The following PAPSS1 variants were observed in gnomAD, a reference collection of about 807,000 sequenced individuals.
PAPSS1 encodes bifunctional 3'-phosphoadenosine 5'-phosphosulfate synthase 1.
A neutral mutation model predicts 72.0 loss-of-function variants in PAPSS1; 50 were observed. The observed-to-expected ratio is 0.69, with a 90% CI of 0.55 to 0.88. PAPSS1 has a LOEUF of 0.88. Ranked by LOEUF, PAPSS1 falls within the 40% of genes least tolerant of loss-of-function variation. The pLI, the probability that PAPSS1 is intolerant of heterozygous loss-of-function variation, is 0.00. For missense variants in PAPSS1, 657 were observed against 782.2 expected (o/e 0.84, Z 1.91); for synonymous variants, 261 against 263.6 (o/e 0.99, Z 0.09).
intron 9 of PAPSS1, among the ~76,000 whole-genome samples, chr4:107,648,800 C>G (rs1726760136): frequency 6.6e-6 from 1 of 152,134 alleles, no homozygotes; most frequent in Admixed American, 6.5e-5. Context: ...GTGAAGGGAC[C>G]TGGAATAACA....
At chr4:107,697,056 CTTA>C (rs10601433) in intron 2 of PAPSS1, among the ~76,000 whole-genome samples, 124,168 of 151,784 alleles carry the variant, frequency 0.82, 52,914 homozygotes, top group South Asian at 0.95. Flanking sequence ...TCTTTGGTCA[CTTA>C]ATTTGGGAGA....
At chr4:107,627,314 T>C (rs1157357943) in intron 11 of PAPSS1, among the ~76,000 whole-genome samples, 1 of 152,206 alleles carries the variant, frequency 6.6e-6, no homozygotes. Flanking sequence ...TATTTCCCTC[T>C]CCTTGCTCTC....
Position 107,670,215 on chromosome 4 carries a change from C to T in PAPSS1, c.670-10143G>A, listed in dbSNP as rs531585270. On this transcript the variant is annotated intron_variant, in intron 5 of 11. Coordinates refer to ENST00000265174, the MANE Select transcript of PAPSS1 (RefSeq NM_005443.5). ...GACTCAGCAAATGTTAATTTCTTATCTATCCTTCTTTTTCAAGGATAATAT... is the reference window on the plus strand; with the variant it reads ...GACTCAGCAAATGTTAATTTCTTATTTATCCTTCTTTTTCAAGGATAATAT... Among the ~76,000 whole-genome samples the T allele has an allele frequency of 2.1e-3, 319 of 152,292 alleles. 3 individuals are homozygous for T. Among genetic ancestry groups the T allele is most frequent in the African/African-American group, 7.3e-3 (302 of 41,580 alleles).
chr4:107,650,292 TAAC>T (rs1726805904), intron 9 of PAPSS1, among the ~76,000 whole-genome samples: 1 of 152,130 alleles, frequency 6.6e-6, no homozygotes, highest in Admixed American at 6.5e-5. Context: ...AAAAATAAAA[TAAC>T]ACTCCAATTT....
At position 107,614,050 on chromosome 4, in the gene PAPSS1, A is replaced by T. The variant is rs978104106; in HGVS notation, c.*199T>A. 1.4e-5 allele frequency: 6 copies of T among 415,172 alleles called. No individual in the cohort carries two copies. Among genetic ancestry groups the T allele is most frequent in the Non-Finnish European group, 2.6e-5 (6 of 233,948 alleles). The allele number at this position is 415,172 out of a possible 1,614,324, so 25.7% of individuals were successfully genotyped here. A position where few individuals can be genotyped will look rare whatever the true frequency, so the allele number is the denominator to read the frequency against. ...AATATAACTATAATAAGTGGAAAAGATACATTAAAACCATCAGTGTGTTAC... is the reference window on the plus strand; with the variant it reads ...AATATAACTATAATAAGTGGAAAAGTTACATTAAAACCATCAGTGTGTTAC... On this transcript the variant is annotated 3_prime_UTR_variant, in exon 12 of 12. Coordinates refer to ENST00000265174, the MANE Select transcript of PAPSS1 (RefSeq NM_005443.5).
intron 11 of PAPSS1, among the ~76,000 whole-genome samples, chr4:107,627,957 C>T (rs1267784587): frequency 6.6e-6 from 1 of 152,094 alleles, no homozygotes; most frequent in African/African-American, 2.4e-5. Context: ...TGTTTACAAA[C>T]CTAATTTTGT....
intron 6 of PAPSS1, among the ~76,000 whole-genome samples, 192 bp from the exon 7 acceptor site, chr4:107,657,199 A>G (rs1444910994): frequency 3.9e-5 from 6 of 152,192 alleles, no homozygotes; most frequent in Non-Finnish European, 8.8e-5. Flanking sequence ...TTTAAATAAC[A>G]TTAGGCCTCC....
chr4:107,699,403 C>T (rs1723152045), intron 2 of PAPSS1, among the ~76,000 whole-genome samples: 1 of 151,876 alleles, frequency 6.6e-6, no homozygotes, highest in African/African-American at 2.4e-5. Context: ...AACAGAGGAA[C>T]AGACAAATAT....
At chr4:107,703,180 T>A (rs1723248551) in intron 1 of PAPSS1, among the ~76,000 whole-genome samples, 1 of 152,224 alleles carries the variant, frequency 6.6e-6, no homozygotes, top group Admixed American at 6.5e-5. Context: ...GAATGTCTAT[T>A]CAGATCCTTT....
Position 107,633,312 on chromosome 4 carries a change from CAT to C in PAPSS1, c.1507-1454_1507-1453del, listed in dbSNP as rs545013142. Reference sequence around the variant, plus strand: ...GTTTTAAGAAAATTAATAAATGAAACATGTGAGGTCTTAGAATAATACCTGGC... The same window carrying C: ...GTTTTAAGAAAATTAATAAATGAAACGTGAGGTCTTAGAATAATACCTGGC... On this transcript the variant is annotated intron_variant, in intron 10 of 11. Transcript: ENST00000265174. 2.9e-3 allele frequency among the ~76,000 whole-genome samples: 440 copies of C among 152,238 alleles called. 2 individuals carry two copies. The highest frequency in any genetic ancestry group is 9.8e-3 in the African/African-American group (407 of 41,524).
rs1045848544 is a variant in PAPSS1 at position 107,660,280 on chromosome 4, G to C, written c.670-208C>G. Among the ~76,000 whole-genome samples the C allele has an allele frequency of 9.9e-4, 150 of 152,192 alleles. 1 individual carries two copies. The highest frequency in any genetic ancestry group is 3.3e-3 in the African/African-American group (136 of 41,546). ...ATTAAGCCCAATGTCCCATTATCTA[G>C]TGGGAAAGAATAAATTCCTAAAATA... On this transcript the variant is annotated intron_variant, in intron 5 of 11. Transcript: ENST00000265174.
At chr4:107,666,558 C>T (rs1341386571) in intron 5 of PAPSS1, among the ~76,000 whole-genome samples, 1 of 152,166 alleles carries the variant, frequency 6.6e-6, no homozygotes, top group East Asian at 1.9e-4. Flanking sequence ...ACAGAGAATT[C>T]TTAACTTTAT....
intron 4 of PAPSS1, among the ~76,000 whole-genome samples, chr4:107,682,463 T>C (rs1294852276): frequency 1.3e-5 from 2 of 152,222 alleles, no homozygotes; most frequent in African/African-American, 4.8e-5. Flanking sequence ...CGCTGGGAAC[T>C]GTGTCAGGTG....
intron 2 of PAPSS1, among the ~76,000 whole-genome samples, chr4:107,697,076 T>C (rs2522425): frequency 0.82 from 124,522 of 152,192 alleles, 53,070 homozygotes; most frequent in South Asian, 0.95. Context: ...GAGAAGCCAG[T>C]GACTAAATCC....
At chr4:107,711,641 A>C (rs1723499258) in intron 1 of PAPSS1, among the ~76,000 whole-genome samples, 1 of 152,196 alleles carries the variant, frequency 6.6e-6, no homozygotes, top group African/African-American at 2.4e-5. Flanking sequence ...AAATCCCTGA[A>C]ATGGTAACAG....
intron 5 of PAPSS1, among the ~76,000 whole-genome samples, chr4:107,672,450 C>T (rs1426846342): frequency 3.9e-5 from 6 of 152,196 alleles, no homozygotes; most frequent in Admixed American, 2.0e-4. Flanking sequence ...GGTCCTATGC[C>T]CACGGAGCCT....
chr4:107,622,684 C>T lies in PAPSS1; in HGVS notation c.1737-8297G>A, dbSNP rs1324579594. Among the ~76,000 whole-genome samples the T allele has an allele frequency of 2.0e-5, 3 of 152,218 alleles. No homozygotes were observed. In the South Asian group the frequency reaches 6.2e-4, roughly 32 times the overall value. On this transcript the variant is annotated intron_variant, in intron 11 of 11. Coordinates refer to ENST00000265174, the MANE Select transcript of PAPSS1 (RefSeq NM_005443.5). ...CAAAATACACAAAATCTTTTATTAACTGCTTTACGAAATGTAGAAGCAGAC... is the reference window on the plus strand; with the variant it reads ...CAAAATACACAAAATCTTTTATTAATTGCTTTACGAAATGTAGAAGCAGAC...
At chr4:107,698,006 G>C (rs1723113464) in intron 2 of PAPSS1, among the ~76,000 whole-genome samples, 1 of 152,158 alleles carries the variant, frequency 6.6e-6, no homozygotes, top group African/African-American at 2.4e-5. Flanking sequence ...AGCACTTACA[G>C]GAGGAACCAA....
intron 1 of PAPSS1, among the ~76,000 whole-genome samples, chr4:107,704,216 T>C (rs1043406789): frequency 1.8e-4 from 27 of 152,262 alleles, no homozygotes; most frequent in African/African-American, 6.5e-4. Context: ...CTTTACTAAA[T>C]TTATTTATTC....
Sources: gnomAD v4.1 joint callset for allele counts (sites outside exome capture counted in the v4.1 genomes callset) on GRCh38, gnomAD v4.1.1 for gene constraint, MANE v1.5 for transcripts, NCBI Gene and HGNC (gene_info 2026-07-23, HGNC 2026-07-21) for gene names.